Variants in ZNF334 observed in about 807,000 individuals in gnomAD.
The protein encoded by ZNF334 is zinc finger protein 334.
A neutral mutation model predicts 12.4 loss-of-function variants in ZNF334; 14 were observed. The ratio of observed to expected loss-of-function variants is 1.13; its 90% CI spans 0.74 to 1.76. The LOEUF (loss-of-function observed/expected upper bound fraction) is 1.76, where lower values mean the gene tolerates loss of function less well. Ranked by LOEUF, ZNF334 falls within the 40% of genes most tolerant of loss-of-function variation. The pLI is 0.00. For missense variants in ZNF334, 797 were observed against 804.5 expected (o/e 0.99, Z 0.11); for synonymous variants, 273 against 269.6 (o/e 1.01, Z -0.12).
chr20:46,507,457 G>A (rs1224898213), intron 2 of ZNF334, among the ~76,000 whole-genome samples: 1 of 152,186 alleles, frequency 6.6e-6, no homozygotes, highest in Non-Finnish European at 1.5e-5. Context: ...AGCAGAATTT[G>A]AATACGATAG....
At chr20:46,464,826 T>C in the ZNF334 span, 2 of 538,746 alleles carry the variant, frequency 3.7e-6, no homozygotes, top group East Asian at 5.0e-5. Flanking sequence ...ACTCCTACAG[T>C]TGCAAAGTTT....
At chr20:46,488,504 G>A in the ZNF334 span, among the ~76,000 whole-genome samples, 10 of 145,808 alleles carry the variant, frequency 6.9e-5, no homozygotes, top group African/African-American at 2.0e-4. Flanking sequence ...TTACTTTCAC[G>A]TTATAAGCCC....
intron 2 of ZNF334, among the ~76,000 whole-genome samples, chr20:46,511,209 T>C (rs1207659138): frequency 2.7e-5 from 4 of 145,702 alleles, no homozygotes; most frequent in Admixed American, 6.9e-5. Context: ...CTGGGCAACA[T>C]AGTGAGACCT....
At chr20:46,504,048 G>A (rs1424103505) in intron 4 of ZNF334, among the ~76,000 whole-genome samples, 166 bp downstream of exon 4, 1 of 152,200 alleles carries the variant, frequency 6.6e-6, no homozygotes, top group Non-Finnish European at 1.5e-5. Context: ...TGGGGAGAAT[G>A]TTTCAGATGT....
the ZNF334 span, among the ~76,000 whole-genome samples, chr20:46,467,616 T>C: frequency 6.6e-6 from 1 of 152,240 alleles, no homozygotes; most frequent in African/African-American, 2.4e-5. Context: ...TTGTATTGAG[T>C]CTTCTCCACT....
At chr20:46,506,378 C>A in intron 2 of ZNF334, 1 of 573,846 alleles carries the variant, frequency 1.7e-6, no homozygotes, top group Non-Finnish European at 3.1e-6. Flanking sequence ...ATAATCCCAG[C>A]ACTCTGAGAG....
chr20:46,472,864 T>C, the ZNF334 span, among the ~76,000 whole-genome samples: 1 of 152,150 alleles, frequency 6.6e-6, no homozygotes, highest in Non-Finnish European at 1.5e-5. Context: ...GGACCAGAGT[T>C]GTGTCAGTGA....
At chr20:46,488,442 T>TAA in the ZNF334 span, among the ~76,000 whole-genome samples, 11 of 136,490 alleles carry the variant, frequency 8.1e-5, no homozygotes, top group South Asian at 4.4e-4. Flanking sequence ...TATATATATA[T>TAA]AAATACCATA....
Position 46,500,694 on chromosome 20 carries a change from A to C in ZNF334, c.*602T>G, listed in dbSNP as rs2061126169. On this transcript the variant is annotated 3_prime_UTR_variant, in exon 5 of 5. Transcript: ENST00000692313. ...GCCTATCTTCCATTAGAAAGGTCTT[A>C]GGAAGGGCTTTCACTGGCTCAGCTT... 1 of 152,618 alleles carries C rather than the reference A, an allele frequency of 6.6e-6. No homozygotes were observed. The highest frequency in any genetic ancestry group is 1.9e-4 in the East Asian group (1 of 5,194). The allele number at this position is 152,618 out of a possible 1,614,324, so 9.5% of individuals were successfully genotyped here.
At chr20:46,504,395 G>A in intron 3 of ZNF334, 89 bp from the exon 4 acceptor site, 1 of 1,276,104 alleles carries the variant, frequency 7.8e-7, no homozygotes, top group Non-Finnish European at 1.1e-6. Flanking sequence ...CAGAAGCTGT[G>A]CAATGAAGAT....
the ZNF334 span, among the ~76,000 whole-genome samples, chr20:46,466,638 C>A: frequency 1.3e-5 from 2 of 152,104 alleles, no homozygotes; most frequent in African/African-American, 4.8e-5. Context: ...TACGCACCAT[C>A]GCACCTGGCT....
chr20:46,497,734 A>G (rs1232187802), downstream of ZNF334, among the ~76,000 whole-genome samples: 2 of 152,244 alleles, frequency 1.3e-5, no homozygotes, highest in African/African-American at 2.4e-5. Flanking sequence ...TGTCATATCA[A>G]TAACACCAAT....
chr20:46,486,880 T>C, the ZNF334 span, among the ~76,000 whole-genome samples: 1 of 152,218 alleles, frequency 6.6e-6, no homozygotes, highest in East Asian at 1.9e-4. Context: ...ATTTCCCTAA[T>C]AGTAAGATGA....
Position 46,501,362 on chromosome 20 carries a change from G to T in ZNF334, c.1977C>A (p.Asn659Lys). Residue 659 changes from asparagine (N) to lysine (K), a missense_variant, in exon 5 of 5, where the codon AAC becomes AAA. Physicochemically the swap from Asn to Lys is moderately conservative, Grantham distance 94. Transcript: ENST00000692313. The part of the protein sequence containing the change: ...IHTGEKPYEC[N>K]KCEKTFRHKS... Reference sequence around the variant, plus strand: ...TGTGGCGAAATGTTTTCTCACATTTGTTACATTCATAAGGTTTCTCTCCTG... The same window carrying T: ...TGTGGCGAAATGTTTTCTCACATTTTTTACATTCATAAGGTTTCTCTCCTG... 1 of 1,613,934 alleles carries T rather than the reference G, an allele frequency of 6.2e-7. No homozygotes were observed. Among genetic ancestry groups the T allele is most frequent in the South Asian group, 1.1e-5 (1 of 91,060 alleles).
chr20:46,467,736 C>T, the ZNF334 span, among the ~76,000 whole-genome samples: 1 of 152,114 alleles, frequency 6.6e-6, no homozygotes, highest in African/African-American at 2.4e-5. Context: ...TTTTAAAACC[C>T]TCTAAAAGCT....
In ZNF334 at chr20:46,501,493, T is replaced by C; in HGVS notation, c.1846A>G (p.Arg616Gly). Residue 616 changes from arginine (R) to glycine (G), a missense_variant, in exon 5 of 5, where the codon AGA (arginine) becomes GGA (glycine). Coordinates refer to ENST00000692313, the MANE Select transcript of ZNF334 (RefSeq NM_001353824.2). ...GKSFCHKSAFRVHRRIHTGEK... is the reference protein window; with the variant it reads ...GKSFCHKSAFGVHRRIHTGEK... The stretch of plus-strand genomic sequence containing the variant: ...CCTGTGTGAATTCTTCTATGGACTC[T>C]GAAGGCTGACTTATGGCAGAAGGAT... The C allele has an allele frequency of 8.7e-6, 14 of 1,614,180 alleles. No homozygotes were observed. Among genetic ancestry groups the C allele is most frequent in the Non-Finnish European group, 1.1e-5 (13 of 1,180,002 alleles).
In ZNF334 at chr20:46,500,954, C is replaced by A; in HGVS notation, c.*342G>T. On this transcript the variant is annotated 3_prime_UTR_variant, in exon 5 of 5. Coordinates refer to ENST00000692313, the MANE Select transcript of ZNF334 (RefSeq NM_001353824.2). ...TGAAATGAAGGTCAGATCCTCACACCTCGTAACATACACTATCAAGTAACA... is the reference window on the plus strand; with the variant it reads ...TGAAATGAAGGTCAGATCCTCACACATCGTAACATACACTATCAAGTAACA... 1 of 223,480 alleles carries A rather than the reference C, an allele frequency of 4.5e-6. No individual in the cohort carries two copies. Among genetic ancestry groups the A allele is most frequent in the Non-Finnish European group, 8.9e-6 (1 of 112,484 alleles). 13.8% of individuals were successfully genotyped at this position (223,480 alleles called of 1,614,324 possible). A position where few individuals can be genotyped will look rare whatever the true frequency, so the allele number is the denominator to read the frequency against.
the ZNF334 span, among the ~76,000 whole-genome samples, chr20:46,471,067 TC>T: frequency 2.6e-5 from 4 of 152,332 alleles, no homozygotes; most frequent in East Asian, 7.7e-4. Flanking sequence ...AATACACTCT[TC>T]ACCAACAATG....
In ZNF334 at chr20:46,501,618, C is replaced by T. The variant is rs996127447; in HGVS notation, c.1721G>A (p.Cys574Tyr). ...ACAGAAGGTTTTCCCACATTCATTA[C>T]ACTCATAGGGTCTCTGTCCTGTGTG... ...RTHTGQRPYECNECGKTFCQK... is the reference protein window; with the variant it reads ...RTHTGQRPYEYNECGKTFCQK... The change falls in exon 5 of 5, where the codon TGT becomes TAT. Residue 574 changes from cysteine (C) to tyrosine (Y), a missense_variant. Transcript: ENST00000692313. 4 of 1,614,174 alleles carry T rather than the reference C, an allele frequency of 2.5e-6. No individual in the cohort carries two copies. The highest frequency in any genetic ancestry group is 3.4e-6 in the Non-Finnish European group (4 of 1,180,018).
Sources: gnomAD v4.1 joint callset for allele counts (sites outside exome capture counted in the v4.1 genomes callset) on GRCh38, gnomAD v4.1.1 for gene constraint, MANE v1.5 for transcripts, NCBI Gene and HGNC (gene_info 2026-07-23, HGNC 2026-07-21) for gene names.